Variants in PSMF1 observed in about 807,000 individuals in gnomAD.
PSMF1 encodes the protein proteasome inhibitor subunit 1, also known as proteasome inhibitor PI31 subunit.
PSMF1 carries 30 observed loss-of-function variants against 29.3 expected under a neutral mutation model. The observed-to-expected ratio is 1.02, with a 90% CI of 0.77 to 1.39. The LOEUF (loss-of-function observed/expected upper bound fraction) is 1.39, where lower values mean the gene tolerates loss of function less well. Among genes scored for constraint, PSMF1 ranks in the 40% most tolerant of loss-of-function variants. The probability of loss-of-function intolerance (pLI) is 0.00; values close to 1 mark genes in which losing one functional copy is unlikely to be tolerated. For synonymous variants in PSMF1, 134 were observed against 139.7 expected (o/e 0.96, Z 0.29); for missense variants, 344 against 357.5 (o/e 0.96, Z 0.31).
chr20:1,114,344 C>T (rs146154913), upstream of PSMF1, among the ~76,000 whole-genome samples: 7 of 152,320 alleles, frequency 4.6e-5, no homozygotes, highest in African/African-American at 9.6e-5. Flanking sequence ...CTGCCCCCAC[C>T]GCTATTTCCT....
intron 4 of PSMF1, among the ~76,000 whole-genome samples, chr20:1,138,163 TA>T (rs1455577422): frequency 1.3e-5 from 2 of 152,218 alleles, no homozygotes; most frequent in African/African-American, 4.8e-5. Flanking sequence ...ATTATCCTGA[TA>T]ACCAGTACCA....
intron 3 of PSMF1, among the ~76,000 whole-genome samples, chr20:1,134,215 G>C (rs1387400875): frequency 6.6e-6 from 1 of 151,796 alleles, no homozygotes; most frequent in Non-Finnish European, 1.5e-5. Flanking sequence ...TTTGATGTAA[G>C]CATTTAGTGC....
At chr20:1,144,527 T>C (rs1229571951) in intron 4 of PSMF1, among the ~76,000 whole-genome samples, 1 of 152,242 alleles carries the variant, frequency 6.6e-6, no homozygotes, top group Non-Finnish European at 1.5e-5. Context: ...AATAATCTGA[T>C]GTGCCTCCTC....
Position 1,164,457 on chromosome 20 carries a change from A to G in PSMF1, c.745A>G (p.Ile249Val). 3 of 1,614,034 alleles carry G rather than the reference A, an allele frequency of 1.9e-6. No homozygotes were observed. Among genetic ancestry groups the G allele is most frequent in the Non-Finnish European group, 2.5e-6 (3 of 1,179,996 alleles). The change falls in exon 6 of 7, where the codon ATT (isoleucine) becomes GTT (valine). Residue 249 changes from isoleucine (I) to valine (V), a missense_variant. Physicochemically the swap from Ile to Val is conservative, Grantham distance 29. Transcript: ENST00000335877. This position sits in a 1 kb window ranked among gnomAD's most constrained non-coding sequence, Gnocchi z 4.1. ...AGCTCGCTTTGACCCCTTTGGACCC[A>G]TTGGGACCAGCCCACCCGGGTACGT... ...PGARFDPFGP[I>V]GTSPPGPNPD...
chr20:1,165,286 A>G lies in PSMF1; in HGVS notation c.*206A>G. 2 of 1,417,578 alleles carry G rather than the reference A, an allele frequency of 1.4e-6. No individual in the cohort carries two copies. The highest frequency in any genetic ancestry group is 1.8e-6 in the Non-Finnish European group (2 of 1,089,344). 87.8% of individuals were successfully genotyped at this position (1,417,578 alleles called of 1,614,324 possible). Reference sequence around the variant, plus strand: ...ACCTAGCTGCAGATAGCTCCCAAAGAGAAATCAGTGTGTCTCTTTCACCAT... The same window carrying G: ...ACCTAGCTGCAGATAGCTCCCAAAGGGAAATCAGTGTGTCTCTTTCACCAT... On this transcript the variant is annotated 3_prime_UTR_variant, in exon 7 of 7. Transcript: ENST00000335877.
chr20:1,153,941 G>T (rs1258850416), intron 4 of PSMF1, among the ~76,000 whole-genome samples: 1 of 152,186 alleles, frequency 6.6e-6, no homozygotes, highest in African/African-American at 2.4e-5. Flanking sequence ...ACATGTGCAT[G>T]AAAGTTATTA....
At position 1,125,528 on chromosome 20, in the gene PSMF1, C is replaced by T. The variant is rs772787746; in HGVS notation, c.160C>T (p.Leu54=). ...TCCCAATGATAAGAAGTCAGAACTG[C>T]TGCCAGCTGGGTGGAACAACAATAA... The part of the protein sequence containing the change: ...PGPNDKKSEL[L]PAGWNNNKDL... Residue 54 remains leucine, a synonymous_variant, in exon 2 of 7, where the codon CTG becomes TTG. Coordinates refer to ENST00000335877, the MANE Select transcript of PSMF1 (RefSeq NM_006814.5). 3 of 1,612,736 alleles carry T rather than the reference C, an allele frequency of 1.9e-6. No individual in the cohort carries two copies. The highest frequency in any genetic ancestry group is 1.7e-6 in the Non-Finnish European group (2 of 1,179,288).
At position 1,135,147 on chromosome 20, in the gene PSMF1, G is replaced by A. The variant is rs755915317; in HGVS notation, c.392G>A (p.Arg131Gln). The A allele has an allele frequency of 2.4e-5, 39 of 1,614,006 alleles. No homozygotes were observed. The highest frequency in any genetic ancestry group is 1.4e-4 in the South Asian group (13 of 91,070). Residue 131 changes from arginine to glutamine, a missense_variant, in exon 4 of 7, where the codon CGG (arginine) becomes CAG (glutamine). Transcript: ENST00000335877. ...HRTYKNSEEL[R>Q]SRIVSGIITP... Reference sequence around the variant, plus strand: ...ACCTACAAGAACAGTGAGGAGCTTCGGTCTCGTATTGTGTCTGGAATCATC... The same window carrying A: ...ACCTACAAGAACAGTGAGGAGCTTCAGTCTCGTATTGTGTCTGGAATCATC...
At chr20:1,132,828 G>A (rs1441738735) in intron 3 of PSMF1, among the ~76,000 whole-genome samples, 1 of 152,122 alleles carries the variant, frequency 6.6e-6, no homozygotes, top group African/African-American at 2.4e-5. Flanking sequence ...CAGAAAGGGA[G>A]ATGATTATGA....
intron 1 of PSMF1, among the ~76,000 whole-genome samples, chr20:1,123,997 A>G (rs1249173427): frequency 6.6e-6 from 1 of 152,216 alleles, no homozygotes; most frequent in Non-Finnish European, 1.5e-5. Flanking sequence ...ATCTTTTGCC[A>G]CTTTTTGGAG....
intron 1 of PSMF1, among the ~76,000 whole-genome samples, chr20:1,120,466 G>T (rs1348008084): frequency 2.0e-5 from 3 of 152,106 alleles, no homozygotes; most frequent in Non-Finnish European, 4.4e-5. Flanking sequence ...CAGCATTTCA[G>T]ACCTTGGGAC....
At chr20:1,133,970 CTTG>C (rs2086270332) in intron 3 of PSMF1, among the ~76,000 whole-genome samples, 1 of 121,934 alleles carries the variant, frequency 8.2e-6, no homozygotes, top group African/African-American at 3.2e-5. Flanking sequence ...CTGTTTCGTT[CTTG>C]TTATTGGTGA....
rs374106093 is a variant in PSMF1, at chr20:1,125,580, A to G, written c.212A>G (p.Tyr71Cys). Reference protein sequence around the residue: ...NKDLYVLRYEYKDGSRKLLVK... With the variant: ...NKDLYVLRYECKDGSRKLLVK... ...GACCTGTATGTCCTCCGGTATGAGT[A>G]TAAGGATGGGTCCAGAAAGCTCCTT... Residue 71 changes from tyrosine (Y) to cysteine (C), a missense_variant, in exon 2 of 7, where the codon TAT (tyrosine) becomes TGT (cysteine). By Grantham distance (194) the Tyr-to-Cys change is radical. Transcript: ENST00000335877. 2.7e-5 allele frequency: 43 copies of G among 1,614,046 alleles called. No homozygotes were observed. The highest frequency in any genetic ancestry group is 4.0e-5 in the African/African-American group (3 of 74,936).
Position 1,165,157 on chromosome 20 carries a change from G to A in PSMF1, c.*77G>A. The A allele has an allele frequency of 6.2e-6, 10 of 1,611,460 alleles. No homozygotes were observed. The highest frequency in any genetic ancestry group is 8.5e-6 in the Non-Finnish European group (10 of 1,178,500). ...CACCGCTGTCCCCATCAGCAACCAT[G>A]TTCTTGCAGGCTGGGGGCAAGGGAT... On this transcript the variant is annotated 3_prime_UTR_variant, in exon 7 of 7. Coordinates refer to ENST00000335877, the MANE Select transcript of PSMF1 (RefSeq NM_006814.5).
intron 4 of PSMF1, among the ~76,000 whole-genome samples, chr20:1,157,395 C>A (rs1458174717): frequency 6.6e-6 from 1 of 152,170 alleles, no homozygotes; most frequent in African/African-American, 2.4e-5. Context: ...ACATAATCTT[C>A]AAATAAAGCC....
Position 1,125,532 on chromosome 20 carries a change from C to A in PSMF1, c.164C>A (p.Pro55Gln), listed in dbSNP as rs927353344. 5.6e-6 allele frequency: 9 copies of A among 1,613,084 alleles called. No homozygotes were observed. Among genetic ancestry groups the A allele is most frequent in the Non-Finnish European group, 7.6e-6 (9 of 1,179,504 alleles). The change falls in exon 2 of 7, where the codon CCA becomes CAA. Residue 55 changes from proline to glutamine, a missense_variant. Transcript: ENST00000335877. Reference protein sequence around the residue: ...GPNDKKSELLPAGWNNNKDLY... With the variant: ...GPNDKKSELLQAGWNNNKDLY... Reference sequence around the variant, plus strand: ...AATGATAAGAAGTCAGAACTGCTGCCAGCTGGGTGGAACAACAATAAAGAC... The same window carrying A: ...AATGATAAGAAGTCAGAACTGCTGCAAGCTGGGTGGAACAACAATAAAGAC...
At chr20:1,159,707 A>C (rs1189209984) in intron 4 of PSMF1, among the ~76,000 whole-genome samples, 1 of 152,152 alleles carries the variant, frequency 6.6e-6, no homozygotes, top group African/African-American at 2.4e-5. Flanking sequence ...AGGATGTTGG[A>C]GGCTGCTAGA....
At chr20:1,130,667 G>T (rs1437569908) in intron 3 of PSMF1, among the ~76,000 whole-genome samples, 1 of 152,012 alleles carries the variant, frequency 6.6e-6, no homozygotes, top group Non-Finnish European at 1.5e-5. Flanking sequence ...TCCCTCTGTT[G>T]CCCAGGCAGG....
intron 4 of PSMF1, among the ~76,000 whole-genome samples, chr20:1,156,828 AG>A (rs1375951118): frequency 1.1e-4 from 16 of 152,250 alleles, no homozygotes; most frequent in African/African-American, 3.9e-4. Flanking sequence ...CAGGTATAAA[AG>A]AAGAGTGGTA....
Sources: allele counts gnomAD v4.1 joint callset (sites outside exome capture counted in the v4.1 genomes callset), GRCh38; gene constraint gnomAD v4.1.1; non-coding constraint Gnocchi (gnomAD v3.1); transcripts MANE v1.5; gene names NCBI Gene and HGNC (gene_info 2026-07-23, HGNC 2026-07-21).